The following SYNDIG1 variants were observed in gnomAD, a reference collection of about 807,000 sequenced individuals.
SYNDIG1 encodes the protein synapse differentiation-inducing gene protein 1.
SYNDIG1 carries 9 observed loss-of-function variants against 19.4 expected under a neutral mutation model. The ratio of observed to expected loss-of-function variants is 0.46; its 90% CI spans 0.28 to 0.81. SYNDIG1 has a LOEUF of 0.81. SYNDIG1 is among the 30% of genes least tolerant of loss of function. The pLI, the probability that SYNDIG1 is intolerant of heterozygous loss-of-function variation, is 0.12. For missense variants in SYNDIG1, 311 were observed against 343.3 expected (o/e 0.91, Z 0.74); for synonymous variants, 141 against 145.9 (o/e 0.97, Z 0.24).
Position 24,485,373 on chromosome 20 carries a change from C to G in SYNDIG1, c.-79+15620C>G, listed in dbSNP as rs138681408. On this transcript the variant is annotated intron_variant, in intron 1 of 3. Transcript: ENST00000376862. ...ATAGATTGATAGCACCAATTTTGTT[C>G]ATTAGATGGATGCATTTGTCATTAC... 4.7e-3 allele frequency among the ~76,000 whole-genome samples: 708 copies of G among 152,244 alleles called. 5 individuals carry two copies. The highest frequency in any genetic ancestry group is 0.016 in the African/African-American group (671 of 41,534).
intron 2 of SYNDIG1, among the ~76,000 whole-genome samples, chr20:24,582,564 C>G (rs1225865703): frequency 6.6e-6 from 1 of 151,506 alleles, no homozygotes; most frequent in East Asian, 2.0e-4. Flanking sequence ...CACCGCACGT[C>G]CTTTTTGCAG....
chr20:24,642,229 C>T (rs983282894), intron 3 of SYNDIG1, among the ~76,000 whole-genome samples: 2 of 152,128 alleles, frequency 1.3e-5, no homozygotes, highest in Admixed American at 6.5e-5. Flanking sequence ...TCGGGTACAT[C>T]GTGGGAGGCC....
intron 1 of SYNDIG1, among the ~76,000 whole-genome samples, chr20:24,528,272 T>G (rs1395117991): frequency 6.6e-6 from 1 of 152,240 alleles, no homozygotes; most frequent in African/African-American, 2.4e-5. Context: ...TAAGTATGGT[T>G]GTTTTATAAT....
intron 2 of SYNDIG1, among the ~76,000 whole-genome samples, chr20:24,579,126 G>T (rs777206815): frequency 2.6e-5 from 4 of 152,220 alleles, no homozygotes; most frequent in Non-Finnish European, 5.9e-5. Flanking sequence ...AGGGGTTCGT[G>T]TTCCAGTCCA....
chr20:24,624,759 G>A (rs548066326), intron 3 of SYNDIG1, among the ~76,000 whole-genome samples: 36 of 152,092 alleles, frequency 2.4e-4, no homozygotes, highest in Admixed American at 5.9e-4. Flanking sequence ...TCTTCTCAGG[G>A]GCACGTGAAG....
intron 3 of SYNDIG1, among the ~76,000 whole-genome samples, chr20:24,642,264 C>T (rs2059385725): frequency 6.6e-6 from 1 of 152,100 alleles, no homozygotes; most frequent in African/African-American, 2.4e-5. Flanking sequence ...GGTCTGATGT[C>T]TTTATTAGAC....
chr20:24,483,077 T>C (rs1242492239), intron 1 of SYNDIG1, among the ~76,000 whole-genome samples: 1 of 152,258 alleles, frequency 6.6e-6, no homozygotes, highest in African/African-American at 2.4e-5. Context: ...GAGGTCTGGA[T>C]GTAATGTTTC....
intron 2 of SYNDIG1, among the ~76,000 whole-genome samples, chr20:24,578,601 C>G (rs1392640030): frequency 6.6e-6 from 1 of 152,184 alleles, no homozygotes; most frequent in African/African-American, 2.4e-5. Flanking sequence ...GTAGGGAAGG[C>G]TCTGATGAGA....
At chr20:24,652,512 G>A (rs993845743) in intron 3 of SYNDIG1, among the ~76,000 whole-genome samples, 3 of 152,192 alleles carry the variant, frequency 2.0e-5, no homozygotes, top group African/African-American at 7.2e-5. Context: ...GCTCATGGTT[G>A]GCTGTGACTC....
intron 2 of SYNDIG1, among the ~76,000 whole-genome samples, chr20:24,554,971 A>T (rs1407678336): frequency 6.6e-6 from 1 of 152,010 alleles, no homozygotes; most frequent in Non-Finnish European, 1.5e-5. Flanking sequence ...GATTATTGCC[A>T]CAATTTCAGA....
chr20:24,530,635 A>G (rs2057236429), intron 1 of SYNDIG1, among the ~76,000 whole-genome samples: 1 of 152,158 alleles, frequency 6.6e-6, no homozygotes, highest in South Asian at 2.1e-4. Context: ...GGCTTCTAAC[A>G]GTGTTAGGGT....
intron 3 of SYNDIG1, among the ~76,000 whole-genome samples, chr20:24,649,748 A>G (rs1198811220): frequency 2.6e-5 from 4 of 152,166 alleles, no homozygotes; most frequent in South Asian, 2.1e-4. Flanking sequence ...TGAATTACCC[A>G]TGGACTACAT....
intron 1 of SYNDIG1, among the ~76,000 whole-genome samples, chr20:24,537,978 G>T (rs1278826717): frequency 6.6e-6 from 1 of 152,060 alleles, no homozygotes; most frequent in African/African-American, 2.4e-5. Flanking sequence ...CTATCCAGAT[G>T]ATTTTAAACA....
chr20:24,535,751 T>A (rs2057348610), intron 1 of SYNDIG1, among the ~76,000 whole-genome samples: 1 of 152,128 alleles, frequency 6.6e-6, no homozygotes, highest in South Asian at 2.1e-4. Flanking sequence ...CTCGCAGAAG[T>A]GTTTTTTGTG....
Position 24,658,602 on chromosome 20 carries a change from G to C in SYNDIG1, c.619-6744G>C, listed in dbSNP as rs1480183649. On this transcript the variant is annotated intron_variant, in intron 3 of 3. Coordinates refer to ENST00000376862, the MANE Select transcript of SYNDIG1 (RefSeq NM_024893.3). The surrounding 1 kb of genome is among the most constrained non-coding windows in gnomAD (Gnocchi z 4.4). ...CCACCCTGACATCGAACCGTGTGGA[G>C]TATGACCCCCCACCCCCACCCCCCG... 2.6e-5 allele frequency among the ~76,000 whole-genome samples: 4 copies of C among 152,084 alleles called. No individual in the cohort carries two copies. The highest frequency in any genetic ancestry group is 5.9e-5 in the Non-Finnish European group (4 of 67,994).
intron 1 of SYNDIG1, among the ~76,000 whole-genome samples, chr20:24,535,714 T>G (rs1373908072): frequency 6.6e-6 from 1 of 152,226 alleles, no homozygotes; most frequent in African/African-American, 2.4e-5. Flanking sequence ...ACTCTGAGTC[T>G]GGACGGGCAG....
intron 2 of SYNDIG1, among the ~76,000 whole-genome samples, chr20:24,563,514 C>T (rs1177915625): frequency 2.6e-5 from 4 of 152,156 alleles, no homozygotes; most frequent in Non-Finnish European, 4.4e-5. Context: ...CCACATGCTG[C>T]GTGTTGACCA....
intron 3 of SYNDIG1, among the ~76,000 whole-genome samples, chr20:24,657,622 T>A (rs1201087799): frequency 6.6e-6 from 1 of 152,152 alleles, no homozygotes; most frequent in Non-Finnish European, 1.5e-5. Context: ...GTCATAAAAA[T>A]AGACCTGGGC....
intron 1 of SYNDIG1, among the ~76,000 whole-genome samples, chr20:24,481,801 G>C (rs898270986): frequency 2.0e-5 from 3 of 152,140 alleles, no homozygotes; most frequent in African/African-American, 4.8e-5. Context: ...TAGTTGGACT[G>C]TAAAGTCAAT....
Sources: allele counts gnomAD v4.1 joint callset (sites outside exome capture counted in the v4.1 genomes callset), GRCh38; gene constraint gnomAD v4.1.1; non-coding constraint Gnocchi (gnomAD v3.1); transcripts MANE v1.5; gene names NCBI Gene and HGNC (gene_info 2026-07-23, HGNC 2026-07-21).